TEK: variants seen among roughly 807,000 people sequenced by gnomAD.
The protein encoded by TEK is TEK receptor tyrosine kinase.
TEK carries 43 observed loss-of-function variants against 131.8 expected under a neutral mutation model. The observed-to-expected ratio is 0.33, with a 90% CI of 0.26 to 0.42. The LOEUF (loss-of-function observed/expected upper bound fraction) is 0.42, where lower values mean the gene tolerates loss of function less well. Ranked by LOEUF, TEK falls within the 10% of genes least tolerant of loss-of-function variation. The pLI is 1.00. For synonymous variants in TEK, 580 were observed against 491.6 expected, an observed-to-expected ratio of 1.18 and a Z score of -2.38; for missense variants, 1,162 against 1,384.4, an observed-to-expected ratio of 0.84 and a Z score of 2.55.
At position 27,192,505 on chromosome 9, in the gene TEK, T is replaced by C. The variant is rs755252635; in HGVS notation, c.1506T>C (p.Val502=). 6.2e-6 allele frequency: 10 copies of C among 1,613,890 alleles called. No homozygotes were observed. The Admixed American group carries it at 8.3e-5, about 13-fold the overall frequency. Residue 502 remains valine, a synonymous_variant, in exon 11 of 23, where the codon GTT becomes GTC. Coordinates refer to ENST00000380036, the MANE Select transcript of TEK (RefSeq NM_000459.5). ...WQHIQVTNEI[V]TLNYLEPRTE... Reference sequence around the variant, plus strand: ...TCTTCTCAGTGACAAATGAGATTGTTACACTCAACTATTTGGAACCTCGGA... The same window carrying C: ...TCTTCTCAGTGACAAATGAGATTGTCACACTCAACTATTTGGAACCTCGGA...
rs145598471 is a variant in TEK at position 27,125,561 on chromosome 9, C to T, written c.52+15919C>T. ...GCCCAGGCAGTTGAGAACACAGACTCCGGTGCCAGATAAATCTGGGTTGGA... is the reference window on the plus strand; with the variant it reads ...GCCCAGGCAGTTGAGAACACAGACTTCGGTGCCAGATAAATCTGGGTTGGA... On this transcript the variant is annotated intron_variant, in intron 1 of 22. Coordinates refer to ENST00000380036, the MANE Select transcript of TEK (RefSeq NM_000459.5). Among the ~76,000 whole-genome samples, 387 of 152,298 alleles carry T rather than the reference C, an allele frequency of 2.5e-3. 2 individuals are homozygous for T. Among genetic ancestry groups the T allele is most frequent in the African/African-American group, 9.0e-3 (376 of 41,568 alleles).
intron 4 of TEK, among the ~76,000 whole-genome samples, chr9:27,171,691 T>G (rs1253653760): frequency 6.6e-6 from 1 of 152,212 alleles, no homozygotes; most frequent in Non-Finnish European, 1.5e-5. Context: ...TTCTATTAAA[T>G]GTCAGAGCAG....
intron 12 of TEK, among the ~76,000 whole-genome samples, chr9:27,200,817 A>G (rs1259177408): frequency 1.3e-5 from 2 of 152,174 alleles, no homozygotes; most frequent in African/African-American, 4.8e-5. Flanking sequence ...GACCCTTACA[A>G]TGACTTTTTG....
At chr9:27,189,416 C>T (rs1302979840) in intron 9 of TEK, among the ~76,000 whole-genome samples, 1 of 152,140 alleles carries the variant, frequency 6.6e-6, no homozygotes, top group Non-Finnish European at 1.5e-5. Context: ...GGCTCTTTGG[C>T]GGGCTGCAAC....
chr9:27,123,797 G>C (rs1821888105), intron 1 of TEK, among the ~76,000 whole-genome samples: 1 of 150,524 alleles, frequency 6.6e-6, no homozygotes, highest in Admixed American at 6.6e-5. Context: ...TTATTCTTTT[G>C]AGATAGTCTC....
rs544366484 is a variant in TEK, at chr9:27,127,828, A to T, written c.52+18186A>T. 5.3e-5 allele frequency among the ~76,000 whole-genome samples: 8 copies of T among 151,860 alleles called. No homozygotes were observed. The East Asian group carries it at 1.4e-3, about 26-fold the overall frequency. Reference sequence around the variant, plus strand: ...TACCCAATTTTGATGGGGTTGTTTGATTTTTTCTTGTAAATTTGTTGAAGT... The same window carrying T: ...TACCCAATTTTGATGGGGTTGTTTGTTTTTTTCTTGTAAATTTGTTGAAGT... On this transcript the variant is annotated intron_variant, in intron 1 of 22. Transcript: ENST00000380036.
chr9:27,227,759 T>A (rs181596070), intron 21 of TEK, among the ~76,000 whole-genome samples: 1 of 152,288 alleles, frequency 6.6e-6, no homozygotes, highest in Non-Finnish European at 1.5e-5. Context: ...GGCATGAACA[T>A]TCAGTCCATA....
At chr9:27,166,986 G>C (rs1391657998) in intron 2 of TEK, among the ~76,000 whole-genome samples, 1 of 152,014 alleles carries the variant, frequency 6.6e-6, no homozygotes, top group Non-Finnish European at 1.5e-5. Flanking sequence ...TCTTCCTTTA[G>C]TGGTGATCCT....
At chr9:27,209,009 A>G (rs952627029) in intron 15 of TEK, 112 bp from the exon 16 acceptor site, 2 of 737,210 alleles carry the variant, frequency 2.7e-6, no homozygotes, top group Non-Finnish European at 4.9e-6. Context: ...CTTTGGTTGT[A>G]TACAGTTGAT....
At chr9:27,172,285 T>C (rs1049221233) in intron 4 of TEK, among the ~76,000 whole-genome samples, 3 of 152,176 alleles carry the variant, frequency 2.0e-5, no homozygotes, top group African/African-American at 7.2e-5. Flanking sequence ...TGCCTTGTCT[T>C]TGCCTGGAAG....
intron 11 of TEK, 34 bp downstream of exon 11, chr9:27,192,657 C>G: frequency 7.6e-7 from 1 of 1,322,634 alleles, no homozygotes; most frequent in Non-Finnish European, 9.9e-7. Context: ...TATTCATGAG[C>G]TGGGTGGGAG....
intron 20 of TEK, among the ~76,000 whole-genome samples, chr9:27,219,064 G>C (rs978521536): frequency 3.4e-5 from 4 of 119,208 alleles, no homozygotes; most frequent in African/African-American, 1.4e-4. Context: ...GGCTCCGCTT[G>C]TACAAGTTGC....
chr9:27,190,773 C>T, intron 10 of TEK, 83 bp downstream of exon 10: 3 of 1,560,312 alleles, frequency 1.9e-6, no homozygotes, highest in East Asian at 2.3e-5. Context: ...ATTCCCTTCT[C>T]CCTGCCTCAA....
At chr9:27,136,612 C>G (rs1822453028) in intron 1 of TEK, among the ~76,000 whole-genome samples, 1 of 152,110 alleles carries the variant, frequency 6.6e-6, no homozygotes, top group Admixed American at 6.5e-5. Context: ...CGGGGACTGA[C>G]ATACATTTGT....
At chr9:27,189,686 AG>A (rs1201307934) in intron 9 of TEK, among the ~76,000 whole-genome samples, 1 of 152,166 alleles carries the variant, frequency 6.6e-6, no homozygotes, top group Non-Finnish European at 1.5e-5. Context: ...CCTTGAGCCA[AG>A]GAATGCAGGC....
At chr9:27,131,777 C>T (rs941969117) in intron 1 of TEK, among the ~76,000 whole-genome samples, 6 of 151,468 alleles carry the variant, frequency 4.0e-5, no homozygotes, top group African/African-American at 1.5e-4. Context: ...ACTGCACTCC[C>T]GACTGGGTGA....
intron 1 of TEK, among the ~76,000 whole-genome samples, chr9:27,142,175 T>C (rs951939787): frequency 1.5e-4 from 23 of 152,294 alleles, no homozygotes; most frequent in African/African-American, 5.1e-4. Flanking sequence ...AGAGCTAGAA[T>C]GGACAGACAA....
intron 1 of TEK, among the ~76,000 whole-genome samples, chr9:27,140,085 CGGTT>C (rs1273415204): frequency 2.0e-5 from 3 of 152,098 alleles, no homozygotes; most frequent in African/African-American, 7.2e-5. Flanking sequence ...CCATTTTAAT[CGGTT>C]GGTCCAGGTT....
intron 2 of TEK, among the ~76,000 whole-genome samples, chr9:27,164,561 T>C (rs962799352): frequency 1.1e-4 from 17 of 152,184 alleles, no homozygotes; most frequent in African/African-American, 3.6e-4. Context: ...CCTTGTGATC[T>C]GCCCACCTTG....
Sources: allele counts gnomAD v4.1 joint callset (sites outside exome capture counted in the v4.1 genomes callset), GRCh38; gene constraint gnomAD v4.1.1; transcripts MANE v1.5; gene names NCBI Gene and HGNC (gene_info 2026-07-23, HGNC 2026-07-21).